LIMS1: variants seen among roughly 807,000 people sequenced by gnomAD.
The protein encoded by LIMS1 is LIM zinc finger domain containing 1, also known as LIM and senescent cell antigen-like-containing domain protein 1.
LIMS1 carries 18 observed loss-of-function variants against 44.1 expected under a neutral mutation model. The ratio of observed to expected loss-of-function variants is 0.41; its 90% CI spans 0.28 to 0.61. The LOEUF (loss-of-function observed/expected upper bound fraction) is 0.61, where lower values mean the gene tolerates loss of function less well. Among genes scored for constraint, LIMS1 ranks in the 20% least tolerant of loss-of-function variants. The pLI is 0.32. For missense variants in LIMS1, 201 were observed against 422.0 expected, an observed-to-expected ratio of 0.48 and a Z score of 4.59; for synonymous variants, 93 against 149.1, an observed-to-expected ratio of 0.62 and a Z score of 2.74.
chr2:108,678,414 A>G, intron 8 of LIMS1: 1 of 276,880 alleles, frequency 3.6e-6, no homozygotes, highest in South Asian at 3.8e-5. Flanking sequence ...GCTGGCAGTT[A>G]TCAGCAAGCA....
intron 1 of LIMS1, chr2:108,621,571 G>A (rs1688243498): frequency 1.2e-5 from 9 of 773,296 alleles, no homozygotes; most frequent in South Asian, 3.1e-5. Context: ...TTGAAAAGTA[G>A]CCTCTTAGTC....
At chr2:108,619,399 G>T (rs188352399) in intron 1 of LIMS1, among the ~76,000 whole-genome samples, 1 of 149,940 alleles carries the variant, frequency 6.7e-6, no homozygotes. Flanking sequence ...TTTAAAAAAC[G>T]AAGGCTGGGC....
At chr2:108,664,902 TTTCTC>T (rs1691641820) in intron 2 of LIMS1, among the ~76,000 whole-genome samples, 1 of 152,140 alleles carries the variant, frequency 6.6e-6, no homozygotes, top group Non-Finnish European at 1.5e-5. Flanking sequence ...TCTGGATCCT[TTTCTC>T]TTTGCCTGAA....
chr2:108,542,920 C>G (rs1476377307), intron 1 of LIMS1, among the ~76,000 whole-genome samples: 1 of 152,164 alleles, frequency 6.6e-6, no homozygotes, highest in African/African-American at 2.4e-5. Flanking sequence ...AACACACAAA[C>G]TTCATTATTT....
intron 1 of LIMS1, among the ~76,000 whole-genome samples, chr2:108,598,608 G>A (rs1321898693): frequency 2.0e-5 from 3 of 152,186 alleles, no homozygotes; most frequent in Admixed American, 6.5e-5. Flanking sequence ...GAGAACGGAC[G>A]GAGTGTGGGA....
chr2:108,661,804 A>C (rs1394365425), intron 2 of LIMS1, among the ~76,000 whole-genome samples: 1 of 152,186 alleles, frequency 6.6e-6, no homozygotes, highest in Non-Finnish European at 1.5e-5. Flanking sequence ...CCCAAGGCAC[A>C]TTGAAGGGAA....
intron 1 of LIMS1, among the ~76,000 whole-genome samples, chr2:108,537,830 C>G (rs927887954): frequency 5.3e-5 from 8 of 152,132 alleles, no homozygotes; most frequent in African/African-American, 1.9e-4. Context: ...CTTTCCTTTC[C>G]TCCTAGAGAG....
rs551696049 is a variant in LIMS1, at chr2:108,675,779, A to G, written c.531-99A>G. The G allele has an allele frequency of 1.9e-5, 27 of 1,444,182 alleles. No individual in the cohort carries two copies. The African/African-American group carries it at 3.1e-4, about 17-fold the overall frequency. The allele number at this position is 1,444,182 out of a possible 1,614,324, so 89.5% of individuals were successfully genotyped here. ...AAAAAAGAAATTTGCAGGGATTGTC[A>G]TAGTAATGTCTTTAAAAACCTTCTA... On this transcript the variant is annotated intron_variant, in intron 5 of 9. Transcript: ENST00000544547.
chr2:108,572,924 T>C (rs1296403157), intron 1 of LIMS1, among the ~76,000 whole-genome samples: 1 of 152,186 alleles, frequency 6.6e-6, no homozygotes, highest in Non-Finnish European at 1.5e-5. Context: ...AGTAAACTTG[T>C]ATTGTGTGTT....
chr2:108,671,000 G>A (rs1168584021), intron 3 of LIMS1, 153 bp downstream of exon 3: 53 of 1,081,842 alleles, frequency 4.9e-5, no homozygotes, highest in African/African-American at 4.2e-4. Flanking sequence ...GGGAAACCCC[G>A]TCTCTACTAA....
chr2:108,596,915 G>GTT (rs34313967), intron 1 of LIMS1, among the ~76,000 whole-genome samples: 126 of 68,448 alleles, frequency 1.8e-3, no homozygotes, highest in African/African-American at 3.0e-3. Flanking sequence ...CGAAACATCT[G>GTT]TTTTTTTTTT....
At chr2:108,585,503 A>G (rs1194871082) in intron 1 of LIMS1, among the ~76,000 whole-genome samples, 1 of 152,176 alleles carries the variant, frequency 6.6e-6, no homozygotes, top group Non-Finnish European at 1.5e-5. Context: ...ATCAGCAGAC[A>G]ATTTGATGTA....
intron 1 of LIMS1, among the ~76,000 whole-genome samples, chr2:108,547,963 A>T (rs1448013361): frequency 1.3e-5 from 2 of 152,194 alleles, no homozygotes; most frequent in Non-Finnish European, 2.9e-5. Context: ...GTGGGTAGTG[A>T]TATTTTTGCA....
chr2:108,615,958 G>A (rs1687904284), intron 1 of LIMS1, among the ~76,000 whole-genome samples: 1 of 152,122 alleles, frequency 6.6e-6, no homozygotes, highest in African/African-American at 2.4e-5. Flanking sequence ...GTCACCTCTT[G>A]TATCCTTCCA....
chr2:108,534,457 C>T lies in LIMS1; in HGVS notation c.-106C>T. On this transcript the variant is annotated 5_prime_UTR_variant, in exon 1 of 10. Transcript: ENST00000544547. ...GCCCCTGGCCTTCCTCCCCTTCCTG[C>T]TCCGGGCCCGCCAGTAGCCGGCCGC... is the stretch of plus-strand genomic sequence containing the variant. 1 of 944,098 alleles carries T rather than the reference C, an allele frequency of 1.1e-6. No homozygotes were observed. Among genetic ancestry groups the T allele is most frequent in the Admixed American group, 5.1e-5 (1 of 19,566 alleles). The allele number at this position is 944,098 out of a possible 1,614,324, so 58.5% of individuals were successfully genotyped here. A position where few individuals can be genotyped will look rare whatever the true frequency, so the allele number is the denominator to read the frequency against.
intron 2 of LIMS1, among the ~76,000 whole-genome samples, chr2:108,665,007 A>G (rs953547410): frequency 3.9e-5 from 6 of 152,232 alleles, no homozygotes; most frequent in Admixed American, 2.6e-4. Flanking sequence ...CAGGATACCC[A>G]TCAAAAAGGA....
intron 2 of LIMS1, among the ~76,000 whole-genome samples, chr2:108,663,294 AT>A (rs1016712215): frequency 6.6e-6 from 1 of 151,692 alleles, no homozygotes; most frequent in Non-Finnish European, 1.5e-5. Context: ...AATTAAAAAA[AT>A]TTTTTTTGCA....
At chr2:108,626,249 T>C (rs777609130) in intron 1 of LIMS1, among the ~76,000 whole-genome samples, 6 of 152,238 alleles carry the variant, frequency 3.9e-5, no homozygotes, top group Non-Finnish European at 7.3e-5. Context: ...TGTTAGACAA[T>C]AGGGATAAAA....
intron 5 of LIMS1, among the ~76,000 whole-genome samples, chr2:108,675,622 A>G (rs1410437909): frequency 1.3e-5 from 2 of 152,202 alleles, no homozygotes; most frequent in Admixed American, 6.5e-5. Flanking sequence ...GAAATTATGA[A>G]TATGACTGGT....
Sources: gnomAD v4.1 joint callset for allele counts (sites outside exome capture counted in the v4.1 genomes callset) on GRCh38, gnomAD v4.1.1 for gene constraint, MANE v1.5 for transcripts, NCBI Gene and HGNC (gene_info 2026-07-23, HGNC 2026-07-21) for gene names.